IL11: variants seen among roughly 807,000 people sequenced by gnomAD.
IL11 encodes interleukin-11.
Under a neutral mutation model 18.1 loss-of-function variants are expected in IL11, and 17 were observed. The observed-to-expected ratio is 0.94, with a 90% confidence interval of 0.64 to 1.41. IL11 has a LOEUF of 1.41. IL11 is among the 40% of genes most tolerant of loss of function. The pLI, the probability that IL11 is intolerant of heterozygous loss-of-function variation, is 0.00. For missense variants in IL11, 309 were observed against 262.8 expected, an observed-to-expected ratio of 1.18 and a Z score of -1.22; for synonymous variants, 144 against 134.1, an observed-to-expected ratio of 1.07 and a Z score of -0.51.
chr19:55,366,480 T>C lies in IL11; in HGVS notation c.430-303A>G, dbSNP rs2089786915. 6.6e-6 allele frequency among the ~76,000 whole-genome samples: 1 copy of C among 151,866 alleles called. No individual in the cohort carries two copies. Among genetic ancestry groups the C allele is most frequent in the Non-Finnish European group, 1.5e-5 (1 of 67,968 alleles). On this transcript the variant is annotated intron_variant, in intron 4 of 4. Transcript: ENST00000264563. The surrounding 1 kb of genome is among the most constrained non-coding windows in gnomAD (Gnocchi z 4.6). Reference sequence around the variant, plus strand: ...ACTGTTAGAGTCGCCGGGGCTGGAATCTCAGAGCTGGGTTTTTGTTGTTGT... The same window carrying C: ...ACTGTTAGAGTCGCCGGGGCTGGAACCTCAGAGCTGGGTTTTTGTTGTTGT...
rs1054330621 is a variant in IL11, at chr19:55,369,109, G to A, written c.8-168C>T. The A allele has an allele frequency of 5.3e-6, 3 of 570,238 alleles. No homozygotes were observed. Among genetic ancestry groups the A allele is most frequent in the Non-Finnish European group, 8.9e-6 (3 of 336,158 alleles). 35.3% of individuals were successfully genotyped at this position (570,238 alleles called of 1,614,324 possible). The stretch of plus-strand genomic sequence containing the variant: ...GGACTCCTAGGTCTGAGGGAGGAAG[G>A]CCTGGGGTCTGGACTCCTGGGTCTC... On this transcript the variant is annotated intron_variant, in intron 1 of 4. Coordinates refer to ENST00000264563, the MANE Select transcript of IL11 (RefSeq NM_000641.4). The surrounding 1 kb of genome is among the most constrained non-coding windows in gnomAD (Gnocchi z 6.1).
chr19:55,368,660 CACT>C, intron 2 of IL11, 91 bp from the exon 3 acceptor site: 1 of 1,491,570 alleles, frequency 6.7e-7, no homozygotes, highest in Admixed American at 2.0e-5. Context: ...TCCCCTCCCT[CACT>C]CTGCCACCTG....
At position 55,365,743 on chromosome 19, in the gene IL11, A is replaced by C. The variant is rs1042506; in HGVS notation, c.*264T>G. 62,282 of 500,052 alleles carry C rather than the reference A, an allele frequency of 0.12. 4,328 individuals are homozygous for C. The highest frequency in any genetic ancestry group is 0.14 in the Non-Finnish European group (40,044 of 285,354). The allele number at this position is 500,052 out of a possible 1,614,324, so 31.0% of individuals were successfully genotyped here. A position where few individuals can be genotyped will look rare whatever the true frequency, so the allele number is the denominator to read the frequency against. ...GAAGAGCCAGGGCAGAAGTCTGTGG[A>C]CAGACTTCTTGGAGACCCAAGAATC... is the stretch of plus-strand genomic sequence containing the variant. On this transcript the variant is annotated 3_prime_UTR_variant, in exon 5 of 5. Coordinates refer to ENST00000264563, the MANE Select transcript of IL11 (RefSeq NM_000641.4).
rs2089801063 is a variant in IL11 at position 55,368,566 on chromosome 19, C to CCCAG, written c.183_184insCTGG (p.Asp62LeufsTer7). On this transcript the variant is annotated frameshift_variant, in exon 3 of 5. Coordinates refer to ENST00000264563, the MANE Select transcript of IL11 (RefSeq NM_000641.4). LOFTEE classifies it high-confidence loss of function. The stretch of plus-strand genomic sequence containing the variant: ...TGGTCCCCGTCAGCTGGGAATTTGT[C>CCCAG]CCTCTGGCAGGGAAAAAAGCTGTGA... 5 of 1,610,808 alleles carry CCCAG rather than the reference C, an allele frequency of 3.1e-6. No individual in the cohort carries two copies. Among genetic ancestry groups the CCCAG allele is most frequent in the Non-Finnish European group, 4.2e-6 (5 of 1,178,954 alleles).
At chr19:55,368,439 T>G (rs373399994) in intron 3 of IL11, 44 bp downstream of exon 3, 167 of 1,578,502 alleles carry the variant, frequency 1.1e-4, no homozygotes, top group Non-Finnish European at 1.7e-5. Flanking sequence ...CCCCCTTCAC[T>G]GCCTGCCTCC....
Position 55,366,674 on chromosome 19 carries a change from T to C in IL11, c.430-497A>G, listed in dbSNP as rs760627408. Among the ~76,000 whole-genome samples the C allele has an allele frequency of 3.9e-5, 6 of 151,902 alleles. No individual in the cohort carries two copies. Among genetic ancestry groups the C allele is most frequent in the Non-Finnish European group, 8.8e-5 (6 of 67,994 alleles). On this transcript the variant is annotated intron_variant, in intron 4 of 4. Transcript: ENST00000264563. The surrounding 1 kb of genome is among the most constrained non-coding windows in gnomAD (Gnocchi z 4.6). ...AAAATACAAAAAAATTATCCGGGTG[T>C]GGCAGTGTGCACCTGAAGTCCCAGC...
chr19:55,368,872 G>C lies in IL11; in HGVS notation c.77C>G (p.Pro26Arg), dbSNP rs1198436504. ...PDTAVAPGPP[P>R]GPPRVSPDPR... ...GTCTGGGGAAACTCGAGGGGGGCCA[G>C]GTGGTGGCCCAGGGGCGACAGCTGT... Residue 26 changes from proline to arginine, a missense_variant, in exon 2 of 5, where the codon CCT becomes CGT. Physicochemically the swap from Pro to Arg is moderately radical, Grantham distance 103. Transcript: ENST00000264563. 6.4e-7 allele frequency: 1 copy of C among 1,573,924 alleles called. No individual in the cohort carries two copies. Among genetic ancestry groups the C allele is most frequent in the African/African-American group, 1.3e-5 (1 of 74,422 alleles).
rs1008820792 is a variant in IL11, at chr19:55,368,768, C to G, written c.180+1G>C. The G allele has an allele frequency of 6.3e-7, 1 of 1,577,004 alleles. No individual in the cohort carries two copies. Among genetic ancestry groups the G allele is most frequent in the East Asian group, 2.3e-5 (1 of 43,538 alleles). On this transcript the variant is annotated splice_donor_variant, in intron 2 of 4. Transcript: ENST00000264563. LOFTEE classifies it high-confidence loss of function. ...GCTGGCCCCAGCCCAGTCTCTCCTA[C>G]CAGCTGTGCAGCCAGCTGCCGCGTG... is the stretch of plus-strand genomic sequence containing the variant.
chr19:55,369,101 G>C lies in IL11; in HGVS notation c.8-160C>G, dbSNP rs1390728055. ...GGGGGCCTGGACTCCTAGGTCTGAG[G>C]GAGGAAGGCCTGGGGTCTGGACTCC... On this transcript the variant is annotated intron_variant, in intron 1 of 4. Coordinates refer to ENST00000264563, the MANE Select transcript of IL11 (RefSeq NM_000641.4). This position sits in a 1 kb window ranked among gnomAD's most constrained non-coding sequence, Gnocchi z 6.1. 2 of 600,086 alleles carry C rather than the reference G, an allele frequency of 3.3e-6. No homozygotes were observed. The highest frequency in any genetic ancestry group is 5.6e-6 in the Non-Finnish European group (2 of 358,738). 37.2% of individuals were successfully genotyped at this position (600,086 alleles called of 1,614,324 possible). A position where few individuals can be genotyped will look rare whatever the true frequency, so the allele number is the denominator to read the frequency against.
chr19:55,365,663 A>G lies in IL11; in HGVS notation c.*344T>C. The G allele has an allele frequency of 3.9e-6, 1 of 253,736 alleles. No individual in the cohort carries two copies. The highest frequency in any genetic ancestry group is 7.5e-6 in the Non-Finnish European group (1 of 133,736). The allele number at this position is 253,736 out of a possible 1,614,324, so 15.7% of individuals were successfully genotyped here. A position where few individuals can be genotyped will look rare whatever the true frequency, so the allele number is the denominator to read the frequency against. ...CTTTCCCCTCCGTCCCCACCCCAAC[A>G]TGAAAAGTAATTGCTTAAATAAATA... On this transcript the variant is annotated 3_prime_UTR_variant, in exon 5 of 5. Coordinates refer to ENST00000264563, the MANE Select transcript of IL11 (RefSeq NM_000641.4).
Position 55,368,794 on chromosome 19 carries a change from T to C in IL11, c.155A>G (p.Asp52Gly). ...TVLLTRSLLA[D>G]TRQLAAQLRD... ...CAGCTGTGCAGCCAGCTGCCGCGTG[T>C]CCGCCAGGAGAGAGCGGGTCAGGAG... Residue 52 changes from aspartate to glycine, a missense_variant, in exon 2 of 5, where the codon GAC (aspartate) becomes GGC (glycine). Transcript: ENST00000264563. 2.5e-6 allele frequency: 4 copies of C among 1,590,460 alleles called. No individual in the cohort carries two copies. Among genetic ancestry groups the C allele is most frequent in the Non-Finnish European group, 3.4e-6 (4 of 1,169,178 alleles).
Position 55,368,385 on chromosome 19 carries a change from C to G in IL11, c.268-14G>C. The G allele has an allele frequency of 6.3e-7, 1 of 1,591,426 alleles. No individual in the cohort carries two copies. The highest frequency in any genetic ancestry group is 8.6e-7 in the Non-Finnish European group (1 of 1,163,724). ...CACACCTGGGAGCTGGGGATAGAGC[C>G]GGGACATCAGAGAACACCCGACCAG... On this transcript the variant is annotated splice_polypyrimidine_tract_variant and intron_variant, in intron 3 of 4. Transcript: ENST00000264563.
Position 55,367,105 on chromosome 19 carries a change from G to A in IL11, c.430-928C>T, listed in dbSNP as rs568725157. Among the ~76,000 whole-genome samples, 15 of 152,304 alleles carry A rather than the reference G, an allele frequency of 9.8e-5. No homozygotes were observed. In the South Asian group the frequency reaches 2.9e-3, roughly 29 times the overall value. ...GAGGGCTGGAGTCTCAGAGCTAGAA[G>A]TTGGAATTTGAGATCCAGGGTCTTT... On this transcript the variant is annotated intron_variant, in intron 4 of 4. Transcript: ENST00000264563.
Position 55,370,429 on chromosome 19 carries a change from G to C in IL11, c.-119C>G. The stretch of plus-strand genomic sequence containing the variant: ...CAGCTGGGCCGCGGCCTGGGGAGGG[G>C]AGGCATGTGCCCTGAGCAGCAGGGC... On this transcript the variant is annotated 5_prime_UTR_variant, in exon 1 of 5. Coordinates refer to ENST00000264563, the MANE Select transcript of IL11 (RefSeq NM_000641.4). The C allele has an allele frequency of 1.4e-6, 1 of 710,998 alleles. No homozygotes were observed. The highest frequency in any genetic ancestry group is 2.1e-6 in the Non-Finnish European group (1 of 473,038). The allele number at this position is 710,998 out of a possible 1,614,324, so 44.0% of individuals were successfully genotyped here. A position where few individuals can be genotyped will look rare whatever the true frequency, so the allele number is the denominator to read the frequency against.
At chr19:55,368,427 C>A in intron 3 of IL11, 56 bp from the exon 4 acceptor site, 1 of 1,579,458 alleles carries the variant, frequency 6.3e-7, no homozygotes, top group South Asian at 1.1e-5. Context: ...TCATCCTCCC[C>A]GCCCCCTTCA....
chr19:55,370,245 G>A lies in IL11; in HGVS notation c.7+59C>T, dbSNP rs562062801. On this transcript the variant is annotated intron_variant, in intron 1 of 4. Transcript: ENST00000264563. ...AGCGGGGTCTGCTCCCACCCCCGCCGTGGGTCCCTCTCCTCCCTGCCTCCC... is the reference window on the plus strand; with the variant it reads ...AGCGGGGTCTGCTCCCACCCCCGCCATGGGTCCCTCTCCTCCCTGCCTCCC... 4.2e-5 allele frequency: 55 copies of A among 1,320,060 alleles called. No homozygotes were observed. The African/African-American group carries it at 7.6e-4, about 18-fold the overall frequency. The allele number at this position is 1,320,060 out of a possible 1,614,324, so 81.8% of individuals were successfully genotyped here.
At position 55,368,905 on chromosome 19, in the gene IL11, C is replaced by T. The variant is rs1441657371; in HGVS notation, c.44G>A (p.Trp15Ter). The stretch of plus-strand genomic sequence containing the variant: ...CCCAGGGGCGACAGCTGTATCTGGC[C>T]ACAGGCTCAGCACGACCAGGACCAG... ...CRLVLVVLSL[W>*]PDTAVAPGPP... The change falls in exon 2 of 5, where the codon TGG becomes TAG. Residue 15 changes from tryptophan (W) to a stop codon, truncating the protein, a stop_gained. Transcript: ENST00000264563. LOFTEE classifies it high-confidence loss of function. The T allele has an allele frequency of 1.3e-6, 2 of 1,554,320 alleles. No individual in the cohort carries two copies. Among genetic ancestry groups the T allele is most frequent in the African/African-American group, 1.4e-5 (1 of 73,880 alleles).
rs1260491481 is a variant in IL11 at position 55,366,783 on chromosome 19, G to A, written c.430-606C>T. Among the ~76,000 whole-genome samples, 1 of 152,116 alleles carries A rather than the reference G, an allele frequency of 6.6e-6. No homozygotes were observed. Among genetic ancestry groups the A allele is most frequent in the Non-Finnish European group, 1.5e-5 (1 of 68,026 alleles). ...GCCGAAATGGCACCATTGCACTCTA[G>A]CCTGGGCAACAGAGCGCGAGACTCT... On this transcript the variant is annotated intron_variant, in intron 4 of 4. Coordinates refer to ENST00000264563, the MANE Select transcript of IL11 (RefSeq NM_000641.4). The surrounding 1 kb of genome is among the most constrained non-coding windows in gnomAD (Gnocchi z 4.6).
In IL11 at chr19:55,369,925, C is replaced by T. The variant is rs2089812134; in HGVS notation, c.7+379G>A. Among the ~76,000 whole-genome samples the T allele has an allele frequency of 6.6e-6, 1 of 152,054 alleles. No individual in the cohort carries two copies. Among genetic ancestry groups the T allele is most frequent in the Non-Finnish European group, 1.5e-5 (1 of 67,978 alleles). On this transcript the variant is annotated intron_variant, in intron 1 of 4. Coordinates refer to ENST00000264563, the MANE Select transcript of IL11 (RefSeq NM_000641.4). This position sits in a 1 kb window ranked among gnomAD's most constrained non-coding sequence, Gnocchi z 6.1. Reference sequence around the variant, plus strand: ...ACCCTGCCTCAGTTTCCCTCCGGAGCCTCTCTGCCGGAATCCCAGGGAGTC... The same window carrying T: ...ACCCTGCCTCAGTTTCCCTCCGGAGTCTCTCTGCCGGAATCCCAGGGAGTC...
Sources: gnomAD v4.1 joint callset for allele counts (sites outside exome capture counted in the v4.1 genomes callset) on GRCh38, gnomAD v4.1.1 for gene constraint, Gnocchi (gnomAD v3.1) non-coding constraint, MANE v1.5 for transcripts, NCBI Gene and HGNC (gene_info 2026-07-23, HGNC 2026-07-21) for gene names.